Variants in DAB1 observed in about 807,000 individuals in gnomAD.
DAB1 encodes disabled homolog 1.
In DAB1, 15 loss-of-function variants were observed where a neutral mutation model predicts 64.6. The ratio of observed to expected loss-of-function variants is 0.23; its 90% confidence interval spans 0.16 to 0.36. DAB1 has a LOEUF of 0.36. Among genes scored for constraint, DAB1 ranks in the 10% least tolerant of loss-of-function variants. DAB1 has a pLI of 1.00. For synonymous variants in DAB1, 235 were observed against 251.9 expected, an observed-to-expected ratio of 0.93 and a Z score of 0.64; for missense variants, 596 against 706.7, an observed-to-expected ratio of 0.84 and a Z score of 1.78.
At chr1:57,445,276 AT>A (rs1298377950) in intron 7 of DAB1, among the ~76,000 whole-genome samples, 6 of 152,196 alleles carry the variant, frequency 3.9e-5, no homozygotes, top group Non-Finnish European at 8.8e-5. Flanking sequence ...ATACATATAT[AT>A]GCAGAAGCAA....
At chr1:58,305,607 T>C (rs1662287126) in intron 4 of DAB1, among the ~76,000 whole-genome samples, 1 of 141,112 alleles carries the variant, frequency 7.1e-6, no homozygotes, top group African/African-American at 2.4e-5. Flanking sequence ...TTACAATGCA[T>C]GCAAAGAAAT....
intron 5 of DAB1, among the ~76,000 whole-genome samples, chr1:58,007,619 T>C (rs1646605164): frequency 6.6e-6 from 1 of 152,170 alleles, no homozygotes; most frequent in African/African-American, 2.4e-5. Flanking sequence ...AACCTGTCTT[T>C]AGCATATCCC....
At chr1:57,060,062 G>C (rs1482672300) in intron 9 of DAB1, among the ~76,000 whole-genome samples, 1 of 151,990 alleles carries the variant, frequency 6.6e-6, no homozygotes, top group African/African-American at 2.4e-5. Context: ...GAAATATGGG[G>C]ACTTTCTTAA....
intron 5 of DAB1, among the ~76,000 whole-genome samples, chr1:57,926,794 ATGT>A (rs1644886161): frequency 1.3e-5 from 2 of 152,300 alleles, no homozygotes; most frequent in African/African-American, 4.8e-5. Flanking sequence ...TCTCAAAATA[ATGT>A]TGTTCAAAAG....
At chr1:58,186,350 T>C (rs1261200530) in intron 4 of DAB1, among the ~76,000 whole-genome samples, 1 of 152,244 alleles carries the variant, frequency 6.6e-6, no homozygotes, top group Non-Finnish European at 1.5e-5. Context: ...TGAGATTTTG[T>C]GAGCCAATTC....
At chr1:58,041,960 T>A (rs1353565793) in intron 5 of DAB1, among the ~76,000 whole-genome samples, 1 of 152,210 alleles carries the variant, frequency 6.6e-6, no homozygotes, top group African/African-American at 2.4e-5. Flanking sequence ...GGTTTGGACT[T>A]TGGATGATTC....
intron 6 of DAB1, among the ~76,000 whole-genome samples, chr1:57,791,983 C>A (rs1386631865): frequency 1.3e-5 from 2 of 152,182 alleles, no homozygotes; most frequent in Non-Finnish European, 2.9e-5. Flanking sequence ...CATTTCCCAA[C>A]CTCTTCTGTT....
chr1:57,890,877 T>A (rs1279748418), intron 5 of DAB1, among the ~76,000 whole-genome samples: 1 of 152,228 alleles, frequency 6.6e-6, no homozygotes, highest in Admixed American at 6.5e-5. Flanking sequence ...TGAGTATTTC[T>A]CTCTGAACAC....
chr1:58,529,815 T>C (rs1386114073), intron 1 of DAB1, among the ~76,000 whole-genome samples: 1 of 152,172 alleles, frequency 6.6e-6, no homozygotes, highest in African/African-American at 2.4e-5. Flanking sequence ...TTACAAGTAA[T>C]CTAGAGATGA....
intron 7 of DAB1, among the ~76,000 whole-genome samples, chr1:57,623,455 G>C (rs537152634): frequency 2.0e-5 from 3 of 152,292 alleles, no homozygotes; most frequent in African/African-American, 7.2e-5. Flanking sequence ...TAAGGGTCTT[G>C]TAATAACATG....
At chr1:57,507,145 C>CGTAA (rs1644353735) in intron 7 of DAB1, among the ~76,000 whole-genome samples, 2 of 152,260 alleles carry the variant, frequency 1.3e-5, no homozygotes, top group East Asian at 1.9e-4. Flanking sequence ...CTTAGCTTAC[C>CGTAA]GTTCAAGGCC....
intron 3 of DAB1, chr1:58,480,788 A>G (rs111822959): frequency 2.0e-6 from 1 of 497,802 alleles, no homozygotes; most frequent in Non-Finnish European, 3.5e-6. Flanking sequence ...AGATTAAAAT[A>G]CATCAATATT....
chr1:57,125,419 A>G (rs1230084889), intron 4 of DAB1, among the ~76,000 whole-genome samples: 1 of 152,172 alleles, frequency 6.6e-6, no homozygotes, highest in African/African-American at 2.4e-5. Context: ...TTTCCTGTCA[A>G]TCTGCATAAG....
intron 2 of DAB1, among the ~76,000 whole-genome samples, chr1:57,160,965 G>A (rs77281854): frequency 0.034 from 5,162 of 152,044 alleles, 295 homozygotes; most frequent in African/African-American, 0.12. Context: ...AGCAGGTGAC[G>A]CCTTTGCTGC....
intron 5 of DAB1, among the ~76,000 whole-genome samples, chr1:58,136,218 G>A (rs1653935091): frequency 1.3e-5 from 2 of 152,198 alleles, no homozygotes; most frequent in South Asian, 2.1e-4. Context: ...TAAATAAGCA[G>A]CTAGTTGTGT....
At chr1:57,983,567 T>A (rs2100348278) in intron 5 of DAB1, among the ~76,000 whole-genome samples, 1 of 152,216 alleles carries the variant, frequency 6.6e-6, no homozygotes, top group African/African-American at 2.4e-5. Context: ...GAGGTCCTCA[T>A]GCAACTGAAA....
chr1:58,358,953 A>AACACAC lies in DAB1; in HGVS notation n.258-15556_258-15551dup, dbSNP rs57077530. Among the ~76,000 whole-genome samples the AACACAC allele has an allele frequency of 6.1e-3, 752 of 123,954 alleles. 10 individuals are homozygous for AACACAC. Among genetic ancestry groups the AACACAC allele is most frequent in the African/African-American group, 0.018 (587 of 32,580 alleles). The allele number at this position is 123,954 out of a possible 152,430, so 81.3% of individuals were successfully genotyped here. On this transcript the variant is annotated intron_variant and non_coding_transcript_variant, in intron 3 of 20. Transcript: ENST00000485760. ...TTTCTCTCTCTCTCTCTCTCTCTGT[A>AACACAC]ACACACACACACACACACACACACT...
intron 2 of DAB1, among the ~76,000 whole-genome samples, chr1:57,264,168 T>C (rs1670406538): frequency 6.6e-6 from 1 of 152,206 alleles, no homozygotes; most frequent in Non-Finnish European, 1.5e-5. Flanking sequence ...TCTCATTGTA[T>C]ATGTACCTCA....
intron 5 of DAB1, among the ~76,000 whole-genome samples, chr1:57,992,584 T>C (rs909859323): frequency 6.6e-6 from 1 of 152,152 alleles, no homozygotes; most frequent in African/African-American, 2.4e-5. Context: ...CAGAATCACT[T>C]CTCTCATAAA....
Sources: allele counts gnomAD v4.1 joint callset (sites outside exome capture counted in the v4.1 genomes callset), GRCh38; gene constraint gnomAD v4.1.1; transcripts MANE v1.5; gene names NCBI Gene and HGNC (gene_info 2026-07-23, HGNC 2026-07-21).